DMD: variants seen among roughly 807,000 people sequenced by gnomAD.
DMD encodes the protein dystrophin.
In DMD, 63 loss-of-function variants were observed where a neutral mutation model predicts 330.1. The ratio of observed to expected loss-of-function variants is 0.19; its 90% CI spans 0.16 to 0.24. The LOEUF (loss-of-function observed/expected upper bound fraction) is 0.24. Ranked by LOEUF, DMD falls within the 10% of genes least tolerant of loss-of-function variation. The probability of loss-of-function intolerance (pLI) is 1.00; values close to 1 mark genes in which losing one functional copy is unlikely to be tolerated. For synonymous variants in DMD, 1,223 were observed against 959.8 expected (o/e 1.27, Z -5.07); for missense variants, 3,344 against 2,684.1 (o/e 1.25, Z -5.43).
chrX:33,271,891 T>G (rs1371412949), intron 1 of DMD, among the ~76,000 whole-genome samples: 1 of 111,190 alleles, frequency 9.0e-6, no homozygotes, highest in East Asian at 2.8e-4. Context: ...TTTTTCATTT[T>G]TATTTTTTTT....
At chrX:31,797,581 T>TA (rs1205020279) in intron 50 of DMD, among the ~76,000 whole-genome samples, 2 of 112,114 alleles carry the variant, frequency 1.8e-5, no homozygotes, top group East Asian at 5.6e-4. Context: ...AAAATGTGCA[T>TA]AAAAATAGAA....
chrX:31,473,330 T>C (rs1308185138), intron 59 of DMD, among the ~76,000 whole-genome samples: 1 of 103,449 alleles, frequency 9.7e-6, no homozygotes, highest in East Asian at 3.0e-4. Context: ...ACAGCACCAC[T>C]GCACTCCAGC....
At chrX:31,673,230 A>C (rs772916516) in intron 53 of DMD, among the ~76,000 whole-genome samples, 1 of 112,274 alleles carries the variant, frequency 8.9e-6, no homozygotes, top group Admixed American at 9.4e-5. Context: ...GGAAAGGCCA[A>C]CTTAAAAAAC....
chrX:31,899,512 A>C lies in DMD; in HGVS notation c.6913-24139T>G, dbSNP rs769257539. ...AACAAATACGTGTGAAAATTGAAGA[A>C]AATAATAACGTAGAAACAAAGGGTA... On this transcript the variant is annotated intron_variant, in intron 47 of 78. Coordinates refer to ENST00000357033, the MANE Select transcript of DMD (RefSeq NM_004006.3). Among the ~76,000 whole-genome samples, 14 of 111,530 alleles carry C rather than the reference A, an allele frequency of 1.3e-4. No homozygotes were observed. In the South Asian group the frequency reaches 5.2e-3, roughly 42 times the overall value.
chrX:31,890,584 G>A (rs991286350), intron 47 of DMD, among the ~76,000 whole-genome samples: 6 of 107,269 alleles, frequency 5.6e-5, no homozygotes, highest in Admixed American at 1.0e-4. Flanking sequence ...GTTACAAGCC[G>A]TACTACACTA....
rs1182695139 is a variant in DMD at position 32,252,687 on chromosome X, T to TATATATATAAATATATATAA, written c.6290+34822_6290+34841dup. 5.4e-4 allele frequency among the ~76,000 whole-genome samples: 19 copies of TATATATATAAATATATATAA among 35,511 alleles called. 1 individual carries two copies. The highest frequency in any genetic ancestry group is 7.1e-4 in the East Asian group (1 of 1,399). The allele number at this position is 35,511 out of a possible 115,157, so 30.8% of individuals were successfully genotyped here. ...AAATATATATATATAAATATATAAATATATATATAAATATATATAAATATA... is the reference window on the plus strand; with the variant it reads ...AAATATATATATATAAATATATAAATATATATATAAATATATATAAATATATATAAATATATATAAATATA... On this transcript the variant is annotated intron_variant, in intron 43 of 78. Coordinates refer to ENST00000357033, the MANE Select transcript of DMD (RefSeq NM_004006.3).
At chrX:32,488,579 A>G (rs2042697979) in intron 20 of DMD, among the ~76,000 whole-genome samples, 1 of 111,929 alleles carries the variant, frequency 8.9e-6, no homozygotes, top group Admixed American at 9.5e-5. Context: ...TAAATATTTT[A>G]CCTAAAGTGA....
At chrX:32,966,071 C>T (rs193077271) in intron 2 of DMD, among the ~76,000 whole-genome samples, 99 of 112,106 alleles carry the variant, frequency 8.8e-4, no homozygotes, top group African/African-American at 2.9e-3. Flanking sequence ...GTAGGATTCT[C>T]ACTTGTCCAA....
chrX:32,190,548 TTTTA>T (rs1323324823), intron 44 of DMD, among the ~76,000 whole-genome samples: 1 of 32,447 alleles, frequency 3.1e-5, no homozygotes. Flanking sequence ...ATATTTAAAA[TTTTA>T]TATATATATA....
intron 51 of DMD, among the ~76,000 whole-genome samples, chrX:31,749,197 G>A (rs940607711): frequency 1.9e-5 from 2 of 107,890 alleles, no homozygotes; most frequent in African/African-American, 3.4e-5. Flanking sequence ...CAATGTGCAG[G>A]TTAGTTACAT....
chrX:32,826,279 T>A (rs1459795417), intron 4 of DMD, among the ~76,000 whole-genome samples: 3 of 111,403 alleles, frequency 2.7e-5, no homozygotes, highest in South Asian at 7.4e-4. Context: ...AGTATGGAGG[T>A]TTCTCAAAAA....
chrX:31,289,171 C>T (rs1423442240), intron 62 of DMD, among the ~76,000 whole-genome samples: 2 of 103,021 alleles, frequency 1.9e-5, no homozygotes, highest in African/African-American at 3.6e-5. Context: ...CCCAGCCACT[C>T]GAGAGGCTGA....
At chrX:31,752,826 A>G (rs1057177123) in intron 51 of DMD, among the ~76,000 whole-genome samples, 1 of 111,383 alleles carries the variant, frequency 9.0e-6, no homozygotes, top group African/African-American at 3.3e-5. Context: ...ATAAACATTA[A>G]GCCTTCTTCC....
intron 18 of DMD, among the ~76,000 whole-genome samples, chrX:32,515,456 A>T (rs1327219647): frequency 9.0e-6 from 1 of 111,216 alleles, no homozygotes; most frequent in East Asian, 2.8e-4. Flanking sequence ...GATGACCATA[A>T]CGACTTGATA....
At chrX:33,294,295 T>C (rs1373512926) in intron 1 of DMD, among the ~76,000 whole-genome samples, 1 of 111,480 alleles carries the variant, frequency 9.0e-6, no homozygotes, top group Non-Finnish European at 1.9e-5. Context: ...GTTACAGTTG[T>C]TTTACTCGGG....
chrX:31,284,386 CAG>C (rs888488775), intron 62 of DMD, among the ~76,000 whole-genome samples: 1 of 111,118 alleles, frequency 9.0e-6, no homozygotes, highest in African/African-American at 3.3e-5. Flanking sequence ...GATCTTCAGA[CAG>C]AGAGGCTCTA....
At chrX:31,762,087 ACAC>A (rs2089639368) in intron 51 of DMD, among the ~76,000 whole-genome samples, 1 of 112,518 alleles carries the variant, frequency 8.9e-6, no homozygotes, top group South Asian at 3.6e-4. Flanking sequence ...TGGTCACGTG[ACAC>A]ATTTCTGGTT....
At chrX:33,231,862 C>T (rs989459931) in intron 1 of DMD, among the ~76,000 whole-genome samples, 9 of 111,638 alleles carry the variant, frequency 8.1e-5, no homozygotes, top group African/African-American at 2.9e-4. Flanking sequence ...CAGATCTGCT[C>T]TCTTTCTGCC....
intron 16 of DMD, among the ~76,000 whole-genome samples, chrX:32,562,781 G>A (rs1231443431): frequency 3.6e-5 from 4 of 111,386 alleles, no homozygotes; most frequent in African/African-American, 9.8e-5. Flanking sequence ...ATACTATTTC[G>A]CTGTTGTCTC....
Sources: allele counts gnomAD v4.1 joint callset (sites outside exome capture counted in the v4.1 genomes callset), GRCh38; gene constraint gnomAD v4.1.1; transcripts MANE v1.5; gene names NCBI Gene and HGNC (gene_info 2026-07-23, HGNC 2026-07-21).